The following ACO2 variants were observed in gnomAD, a reference collection of about 807,000 sequenced individuals.
ACO2 encodes the protein aconitate hydratase, mitochondrial.
A neutral mutation model predicts 84.5 loss-of-function variants in ACO2; 31 were observed. The ratio of observed to expected loss-of-function variants is 0.37; its 90% CI spans 0.28 to 0.50. ACO2 has a LOEUF of 0.50. ACO2 is among the 20% of genes least tolerant of loss of function. ACO2 has a pLI of 0.97. For missense variants in ACO2, 685 were observed against 1,029.3 expected, an observed-to-expected ratio of 0.67 and a Z score of 4.58; for synonymous variants, 414 against 412.7, an observed-to-expected ratio of 1.00 and a Z score of -0.04.
chr22:41,508,025 C>T lies in ACO2; in HGVS notation c.408C>T (p.Gly136=), dbSNP rs543394003. ...ATCTGATTGAAGCCCAGGTTGGGGG[C>T]GAGAAAGACCTGCGCCGGGCCAAGG... ...CDHLIEAQVG[G]EKDLRRAKDI... The change falls in exon 3 of 18, where the codon GGC becomes GGT. Residue 136 remains glycine, a synonymous_variant. Coordinates refer to ENST00000216254, the MANE Select transcript of ACO2 (RefSeq NM_001098.3). 2.3e-5 allele frequency: 37 copies of T among 1,612,520 alleles called. No homozygotes were observed. In the East Asian group the frequency reaches 4.5e-4, roughly 19 times the overall value.
intron 8 of ACO2, among the ~76,000 whole-genome samples, chr22:41,519,527 C>T (rs1004561711): frequency 3.3e-5 from 5 of 152,124 alleles, no homozygotes; most frequent in Non-Finnish European, 5.9e-5. Context: ...CAAAAGCGGC[C>T]GGGCATGGTG....
chr22:41,475,250 G>T (rs1198956262), intron 1 of ACO2, among the ~76,000 whole-genome samples: 1 of 139,982 alleles, frequency 7.1e-6, no homozygotes, highest in Non-Finnish European at 1.5e-5. Context: ...ATAGCTCACT[G>T]CAGCCTTGAC....
chr22:41,517,498 C>G (rs773121347), intron 6 of ACO2, 29 bp from the exon 7 acceptor site: 11 of 1,602,442 alleles, frequency 6.9e-6, no homozygotes, highest in Non-Finnish European at 9.4e-6. Context: ...CGGCCACCAG[C>G]CAATGCCCGG....
At chr22:41,524,477 G>T (rs555783573) in intron 12 of ACO2, among the ~76,000 whole-genome samples, 1 of 152,344 alleles carries the variant, frequency 6.6e-6, no homozygotes, top group South Asian at 2.1e-4. Context: ...CTAAATGGGT[G>T]AAGGAATGGC....
At chr22:41,525,731 C>T in intron 14 of ACO2, 1 of 249,420 alleles carries the variant, frequency 4.0e-6, no homozygotes, top group Non-Finnish European at 7.8e-6. Flanking sequence ...ATGGACAACT[C>T]CTGCCCCCAC....
chr22:41,497,652 G>A (rs537615942), intron 1 of ACO2, among the ~76,000 whole-genome samples: 35 of 152,278 alleles, frequency 2.3e-4, no homozygotes, highest in Non-Finnish European at 4.4e-4. Context: ...GGAGGCCGAG[G>A]CAGGTGGATC....
intron 2 of ACO2, among the ~76,000 whole-genome samples, chr22:41,504,643 T>C (rs1038094648): frequency 5.3e-5 from 8 of 152,040 alleles, no homozygotes; most frequent in Non-Finnish European, 1.2e-4. Context: ...TAGTGCTGTT[T>C]TTATTCATAG....
intron 1 of ACO2, among the ~76,000 whole-genome samples, chr22:41,486,469 ATT>A (rs1186941362): frequency 2.3e-4 from 24 of 104,460 alleles, no homozygotes; most frequent in Admixed American, 4.8e-4. Flanking sequence ...AACTTTTTGT[ATT>A]TTTTTTTTTT....
chr22:41,527,291 C>G lies in ACO2; in HGVS notation c.1957C>G (p.His653Asp). 6.2e-7 allele frequency: 1 copy of G among 1,614,200 alleles called. No homozygotes were observed. Among genetic ancestry groups the G allele is most frequent in the Non-Finnish European group, 8.5e-7 (1 of 1,180,020 alleles). Residue 653 changes from histidine to aspartate, a missense_variant, in exon 16 of 18, where the codon CAT becomes GAT. This residue lies in a region of ACO2 where 174 missense variants were observed against 236.6 expected (regional missense o/e 0.74). Coordinates refer to ENST00000216254, the MANE Select transcript of ACO2 (RefSeq NM_001098.3). ...CTTACCCCCGCTTGCCTGACAGAAA[C>G]ATGGCATCAGGTGGGTGGTGATCGG... The part of the protein sequence containing the change: ...VPDTARYYKK[H>D]GIRWVVIGDE...
intron 1 of ACO2, among the ~76,000 whole-genome samples, chr22:41,484,612 A>C (rs2038129233): frequency 6.6e-6 from 1 of 152,122 alleles, no homozygotes; most frequent in Non-Finnish European, 1.5e-5. Flanking sequence ...CCTGAGCTCA[A>C]GTGATCCTCC....
chr22:41,471,518 A>G (rs544805800), intron 1 of ACO2, among the ~76,000 whole-genome samples: 1 of 152,260 alleles, frequency 6.6e-6, no homozygotes, highest in South Asian at 2.1e-4. Context: ...TTCACCATAT[A>G]TTTACTGAGC....
chr22:41,495,592 C>G (rs1450994996), intron 1 of ACO2, among the ~76,000 whole-genome samples: 1 of 151,702 alleles, frequency 6.6e-6, no homozygotes, highest in East Asian at 1.9e-4. Context: ...GCCTACTGAC[C>G]AGGCAATAGG....
At chr22:41,524,216 G>T (rs57902769) in intron 12 of ACO2, among the ~76,000 whole-genome samples, 1 of 152,180 alleles carries the variant, frequency 6.6e-6, no homozygotes, top group East Asian at 1.9e-4. Flanking sequence ...CCTCTAACTC[G>T]CTGTATGAGT....
chr22:41,469,804 C>A (rs1332332610), intron 1 of ACO2, among the ~76,000 whole-genome samples: 1 of 147,976 alleles, frequency 6.8e-6, no homozygotes, highest in Non-Finnish European at 1.5e-5. Flanking sequence ...TTATTTGATT[C>A]CTGTAATCGT....
In ACO2 at chr22:41,515,334, C is replaced by T. The variant is rs747980308; in HGVS notation, c.526-43C>T. The T allele has an allele frequency of 1.0e-4, 167 of 1,610,900 alleles. No individual in the cohort carries two copies. The highest frequency in any genetic ancestry group is 1.4e-4 in the Non-Finnish European group (163 of 1,179,306). On this transcript the variant is annotated intron_variant, in intron 4 of 17. Transcript: ENST00000216254. This position sits in a 1 kb window ranked among gnomAD's most constrained non-coding sequence, Gnocchi z 5.8. ...CAGTGGGGCCATTTTTTGGTATTCT[C>T]GGCTGAGGGCTTCTAAATATAACAT...
rs951785179 is a variant in ACO2, at chr22:41,527,733, A to G, written c.2087-168A>G. The stretch of plus-strand genomic sequence containing the variant: ...ACCTCAGCACCAGCGCACACTTGCT[A>G]GGGGCACCCCTAGTGAAAGGGAGCA... On this transcript the variant is annotated intron_variant, in intron 16 of 17. Transcript: ENST00000216254. 7 of 1,140,806 alleles carry G rather than the reference A, an allele frequency of 6.1e-6. No homozygotes were observed. The African/African-American group carries it at 1.1e-4, about 18-fold the overall frequency. 70.7% of individuals were successfully genotyped at this position (1,140,806 alleles called of 1,614,324 possible).
At chr22:41,522,376 G>A (rs756609899) in intron 9 of ACO2, among the ~76,000 whole-genome samples, 4 of 152,280 alleles carry the variant, frequency 2.6e-5, no homozygotes, top group South Asian at 2.1e-4. Context: ...CAGAAAGTGC[G>A]ATGTTATTCA....
intron 2 of ACO2, among the ~76,000 whole-genome samples, chr22:41,506,130 C>T (rs2066391415): frequency 6.6e-6 from 1 of 151,810 alleles, no homozygotes; most frequent in Non-Finnish European, 1.5e-5. Flanking sequence ...CTCTGTTGCT[C>T]AAGCTGGAGT....
At chr22:41,506,517 TGCTGAGATTACAGGCATGA>T (rs1479267949) in intron 2 of ACO2, among the ~76,000 whole-genome samples, 6 of 152,252 alleles carry the variant, frequency 3.9e-5, no homozygotes, top group African/African-American at 1.4e-4. Context: ...CCTCCCAAAG[TGCTGAGATTACAGGCATGA>T]GCCACCGCAC....
Sources: gnomAD v4.1 joint callset for allele counts (sites outside exome capture counted in the v4.1 genomes callset) on GRCh38, gnomAD v4.1.1 for gene constraint, gnomAD v4.1.1 regional missense constraint, Gnocchi (gnomAD v3.1) non-coding constraint, MANE v1.5 for transcripts, NCBI Gene and HGNC (gene_info 2026-07-23, HGNC 2026-07-21) for gene names.